Variants in UMAD1 observed in about 807,000 individuals in gnomAD.
UMAD1 encodes UBAP1-MVB12-associated (UMA) domain containing 1, also known as UBAP1-MVB12-associated (UMA)-domain containing protein 1.
A neutral mutation model predicts 6.1 loss-of-function variants in UMAD1; 8 were observed. The observed-to-expected ratio is 1.30, with a 90% CI of 0.76 to 2.35. The LOEUF (loss-of-function observed/expected upper bound fraction) is 2.35, where lower values mean the gene tolerates loss of function less well. Ranked by LOEUF, UMAD1 falls within the 30% of genes most tolerant of loss-of-function variation. UMAD1 has a pLI of 0.00. For synonymous variants in UMAD1, 56 were observed against 31.4 expected, an observed-to-expected ratio of 1.78 and a Z score of -2.61; for missense variants, 130 against 78.4, an observed-to-expected ratio of 1.66 and a Z score of -2.49.
At chr7:7,692,814 G>A (rs182149657) in intron 2 of UMAD1, among the ~76,000 whole-genome samples, 1 of 152,212 alleles carries the variant, frequency 6.6e-6, no homozygotes, top group East Asian at 1.9e-4. Flanking sequence ...TCACCATGTT[G>A]GTCAGGATGG....
At chr7:7,714,192 A>G (rs28912682) in intron 2 of UMAD1, among the ~76,000 whole-genome samples, 89 of 152,326 alleles carry the variant, frequency 5.8e-4, no homozygotes, top group African/African-American at 2.1e-3. Flanking sequence ...CCTTTTCTCA[A>G]AGAAAAGCAT....
intron 3 of UMAD1, among the ~76,000 whole-genome samples, chr7:7,819,883 G>A (rs1783208204): frequency 6.6e-6 from 1 of 152,088 alleles, no homozygotes; most frequent in African/African-American, 2.4e-5. Flanking sequence ...TTTGGATGAG[G>A]CTCTGTTAAA....
chr7:7,821,574 T>A (rs1783242076), intron 3 of UMAD1, among the ~76,000 whole-genome samples: 2 of 152,208 alleles, frequency 1.3e-5, no homozygotes, highest in African/African-American at 4.8e-5. Context: ...ATTTGGTTTT[T>A]AACCTCTGAA....
chr7:7,832,945 G>A (rs970312430), intron 3 of UMAD1, among the ~76,000 whole-genome samples: 1 of 152,106 alleles, frequency 6.6e-6, no homozygotes, highest in Non-Finnish European at 1.5e-5. Flanking sequence ...AACGTTTGAT[G>A]GAAATGAGGG....
chr7:7,804,285 A>G (rs780650810), intron 3 of UMAD1, among the ~76,000 whole-genome samples: 3 of 152,262 alleles, frequency 2.0e-5, no homozygotes, highest in Non-Finnish European at 2.9e-5. Context: ...AAATACTTCT[A>G]GAGGCTATAT....
intron 2 of UMAD1, among the ~76,000 whole-genome samples, chr7:7,745,543 C>A (rs189702049): frequency 8.1e-6 from 1 of 122,958 alleles, no homozygotes; most frequent in Admixed American, 7.4e-5. Flanking sequence ...ACACTGTGAC[C>A]AACTTTTGGG....
intron 3 of UMAD1, among the ~76,000 whole-genome samples, chr7:7,858,974 A>G (rs1784067304): frequency 6.6e-6 from 1 of 152,164 alleles, no homozygotes; most frequent in Non-Finnish European, 1.5e-5. Context: ...CAACTCATGT[A>G]TTTCCTAGAG....
chr7:7,851,557 C>A (rs867058568), intron 3 of UMAD1, among the ~76,000 whole-genome samples: 23 of 152,112 alleles, frequency 1.5e-4, no homozygotes, highest in Admixed American at 7.2e-4. Context: ...ACATCCTGAC[C>A]AGAAGTTGTT....
chr7:7,790,988 T>C (rs759034027), intron 2 of UMAD1, among the ~76,000 whole-genome samples: 18 of 152,188 alleles, frequency 1.2e-4, no homozygotes, highest in Non-Finnish European at 2.2e-4. Flanking sequence ...CCTCCCGGGC[T>C]CAAGCACTCC....
chr7:7,669,466 A>T (rs1471729435), intron 1 of UMAD1, among the ~76,000 whole-genome samples: 3 of 152,188 alleles, frequency 2.0e-5, no homozygotes, highest in African/African-American at 7.2e-5. Flanking sequence ...TTTTTGAGTG[A>T]TATGAAAAGA....
chr7:7,813,746 A>G (rs896115131), intron 3 of UMAD1, among the ~76,000 whole-genome samples: 1 of 152,178 alleles, frequency 6.6e-6, no homozygotes, highest in African/African-American at 2.4e-5. Context: ...ATATTCTGGC[A>G]TTTATGACTA....
rs142332176 is a variant in UMAD1, at chr7:7,782,782, G to T, written c.83-18888G>T. Among the ~76,000 whole-genome samples the T allele has an allele frequency of 9.2e-3, 1,353 of 146,476 alleles. 31 individuals are homozygous for T. Among genetic ancestry groups the T allele is most frequent in the African/African-American group, 0.033 (1,280 of 38,736 alleles). ...GACGGAGTCTCTTTCTGTCACCCAG[G>T]TTGGAGTGCAGTGGCGTGATCTTGA... is the stretch of plus-strand genomic sequence containing the variant. On this transcript the variant is annotated intron_variant, in intron 2 of 3. Transcript: ENST00000682710.
intron 2 of UMAD1, among the ~76,000 whole-genome samples, chr7:7,714,799 C>T (rs1256020069): frequency 2.0e-5 from 3 of 149,548 alleles, no homozygotes; most frequent in African/African-American, 7.4e-5. Context: ...GTGTTGGGCA[C>T]TTGTGTAGAG....
chr7:7,714,954 A>G (rs572271653), intron 2 of UMAD1, among the ~76,000 whole-genome samples: 8 of 152,124 alleles, frequency 5.3e-5, no homozygotes, highest in South Asian at 4.2e-4. Context: ...AACAACAACA[A>G]CAACAACAAC....
chr7:7,855,657 G>A (rs1366047390), intron 3 of UMAD1, among the ~76,000 whole-genome samples: 16 of 152,212 alleles, frequency 1.1e-4, no homozygotes, highest in Non-Finnish European at 2.2e-4. Flanking sequence ...GAGCTGGTGC[G>A]AAGCTCTCTG....
chr7:7,706,120 G>A (rs1583757797), intron 2 of UMAD1, among the ~76,000 whole-genome samples: 1 of 152,148 alleles, frequency 6.6e-6, no homozygotes, highest in East Asian at 1.9e-4. Flanking sequence ...ATGCTACAAA[G>A]AAAGTAGATT....
intron 3 of UMAD1, among the ~76,000 whole-genome samples, chr7:7,822,304 A>C (rs1465982363): frequency 6.6e-6 from 1 of 152,106 alleles, no homozygotes; most frequent in Non-Finnish European, 1.5e-5. Flanking sequence ...CTGTAAGGTC[A>C]GTCTGTGAAG....
intron 3 of UMAD1, among the ~76,000 whole-genome samples, chr7:7,820,394 A>T (rs1783220113): frequency 6.6e-6 from 1 of 152,212 alleles, no homozygotes; most frequent in Non-Finnish European, 1.5e-5. Flanking sequence ...TGGTTTCTAC[A>T]TGCATTGCCT....
chr7:7,859,422 T>C (rs1466511750), intron 3 of UMAD1, among the ~76,000 whole-genome samples: 1 of 152,230 alleles, frequency 6.6e-6, no homozygotes, highest in Non-Finnish European at 1.5e-5. Context: ...TTGGAATATC[T>C]TTCTGAATTA....
Sources: allele counts gnomAD v4.1 joint callset (sites outside exome capture counted in the v4.1 genomes callset), GRCh38; gene constraint gnomAD v4.1.1; transcripts MANE v1.5; gene names NCBI Gene and HGNC (gene_info 2026-07-23, HGNC 2026-07-21).